The following MEMO1 variants were observed in gnomAD, a reference collection of about 807,000 sequenced individuals.
MEMO1 encodes protein MEMO1.
A neutral mutation model predicts 45.2 loss-of-function variants in MEMO1; 6 were observed. The observed-to-expected ratio is 0.13, with a 90% CI of 0.07 to 0.26. The LOEUF (loss-of-function observed/expected upper bound fraction) is 0.26. MEMO1 is among the 10% of genes least tolerant of loss of function. MEMO1 has a pLI of 1.00. For missense variants in MEMO1, 184 were observed against 370.5 expected (o/e 0.50, Z 4.13); for synonymous variants, 78 against 124.3 (o/e 0.63, Z 2.48).
intron 8 of MEMO1, among the ~76,000 whole-genome samples, chr2:31,870,725 A>G (rs1673586763): frequency 6.6e-6 from 1 of 151,938 alleles, no homozygotes; most frequent in Admixed American, 6.5e-5. Flanking sequence ...TACAGACAAC[A>G]CACCACCACA....
intron 2 of MEMO1, among the ~76,000 whole-genome samples, chr2:31,977,600 G>GCCT (rs1173504018): frequency 6.6e-6 from 1 of 152,076 alleles, no homozygotes; most frequent in Non-Finnish European, 1.5e-5. Context: ...CACAACCTCT[G>GCCT]CCTCCTAGGT....
intron 2 of MEMO1, among the ~76,000 whole-genome samples, chr2:31,969,574 GGTGTGTGTGTGGGTGTGT>G (rs1669076878): frequency 9.0e-6 from 1 of 110,706 alleles, no homozygotes; most frequent in African/African-American, 3.7e-5. Context: ...CTTTTCTGGG[GGTGTGTGTGTGGGTGTGT>G]GTGTGTGTGT....
chr2:31,969,736 A>C (rs1669156652), intron 2 of MEMO1, among the ~76,000 whole-genome samples: 1 of 149,558 alleles, frequency 6.7e-6, no homozygotes, highest in South Asian at 2.1e-4. Context: ...CAGCCTCCCA[A>C]GCACCTGGGA....
At chr2:31,982,363 G>A (rs1442742686) in intron 2 of MEMO1, among the ~76,000 whole-genome samples, 19 of 151,186 alleles carry the variant, frequency 1.3e-4, no homozygotes, top group African/African-American at 4.1e-4. Context: ...AGGCCGAGGC[G>A]GGCAGATCAC....
At chr2:31,893,831 A>C (rs544621948) in intron 6 of MEMO1, among the ~76,000 whole-genome samples, 1 of 152,304 alleles carries the variant, frequency 6.6e-6, no homozygotes, top group East Asian at 1.9e-4. Context: ...CCTTCAATTA[A>C]CCTCAGTTTG....
chr2:31,993,292 C>T (rs955341068), intron 2 of MEMO1, among the ~76,000 whole-genome samples: 7 of 152,356 alleles, frequency 4.6e-5, no homozygotes, highest in Non-Finnish European at 1.0e-4. Context: ...CAGGTCCAAA[C>T]AACCTACATC....
rs538391276 is a variant in MEMO1, at chr2:31,895,097, T to G, written c.438-2963A>C. Among the ~76,000 whole-genome samples the G allele has an allele frequency of 3.3e-5, 5 of 152,310 alleles. No homozygotes were observed. The South Asian group carries it at 1.0e-3, about 32-fold the overall frequency. Reference sequence around the variant, plus strand: ...ATAGTGGGAGAGACAGATTCTGCAGTTGAAGTTCATGAAAGTTCCTAATAA... The same window carrying G: ...ATAGTGGGAGAGACAGATTCTGCAGGTGAAGTTCATGAAAGTTCCTAATAA... On this transcript the variant is annotated intron_variant, in intron 6 of 9. Transcript: ENST00000404530.
chr2:31,996,061 CAT>C (rs1672558539), intron 2 of MEMO1, among the ~76,000 whole-genome samples: 1 of 152,152 alleles, frequency 6.6e-6, no homozygotes, highest in East Asian at 1.9e-4. Flanking sequence ...ATCAAGAAAA[CAT>C]ATATCCCAAT....
chr2:31,954,456 AT>A (rs939416118), intron 2 of MEMO1, among the ~76,000 whole-genome samples: 4 of 152,094 alleles, frequency 2.6e-5, no homozygotes, highest in African/African-American at 9.7e-5. Context: ...GTAAAAATTA[AT>A]TTTTTTAAAA....
Position 31,868,246 on chromosome 2 carries a change from T to C in MEMO1, c.*115A>G. On this transcript the variant is annotated 3_prime_UTR_variant, in exon 10 of 10. Transcript: ENST00000404530. ...AGAAAAAAAGAGAAGAAAGTTCTAT[T>C]AGTTTGAGGTTTCAGAATCCCCCCA... The C allele has an allele frequency of 3.9e-6, 4 of 1,017,860 alleles. No homozygotes were observed. Among genetic ancestry groups the C allele is most frequent in the Non-Finnish European group, 5.2e-6 (4 of 772,918 alleles). 63.1% of individuals were successfully genotyped at this position (1,017,860 alleles called of 1,614,324 possible). A position where few individuals can be genotyped will look rare whatever the true frequency, so the allele number is the denominator to read the frequency against.
chr2:31,997,784 T>C (rs967553368), intron 2 of MEMO1, among the ~76,000 whole-genome samples: 33 of 152,242 alleles, frequency 2.2e-4, no homozygotes, highest in Non-Finnish European at 4.4e-4. Flanking sequence ...GGTTATGTAA[T>C]TGGGGGAGGG....
chr2:31,961,608 TA>T (rs755885889), intron 2 of MEMO1, among the ~76,000 whole-genome samples: 1 of 142,496 alleles, frequency 7.0e-6, no homozygotes, highest in Non-Finnish European at 1.5e-5. Context: ...ATAAAAAATT[TA>T]AAAAAAAACA....
intron 2 of MEMO1, among the ~76,000 whole-genome samples, chr2:32,005,731 C>A (rs1673983511): frequency 6.6e-6 from 1 of 152,200 alleles, no homozygotes; most frequent in African/African-American, 2.4e-5. Context: ...ATACTTCCCA[C>A]TTGCTAATTA....
intron 7 of MEMO1, among the ~76,000 whole-genome samples, chr2:31,885,831 G>A (rs1200571045): frequency 6.6e-6 from 1 of 152,160 alleles, no homozygotes; most frequent in Non-Finnish European, 1.5e-5. Flanking sequence ...CATGATAGTC[G>A]TTTGCTACTC....
Position 31,933,377 on chromosome 2 carries a change from A to G in MEMO1, c.144-1242T>C, listed in dbSNP as rs1664530195. Among the ~76,000 whole-genome samples, 3 of 124,418 alleles carry G rather than the reference A, an allele frequency of 2.4e-5. No homozygotes were observed. The South Asian group carries it at 9.1e-4, about 38-fold the overall frequency. The allele number at this position is 124,418 out of a possible 152,430, so 81.6% of individuals were successfully genotyped here. On this transcript the variant is annotated intron_variant, in intron 3 of 9. Transcript: ENST00000404530. ...TATATATATATATATATATATATATATATATAGAAAGGGGAAGAGAGGGGA... is the reference window on the plus strand; with the variant it reads ...TATATATATATATATATATATATATGTATATAGAAAGGGGAAGAGAGGGGA...
rs529130732 is a variant in MEMO1 at position 31,928,370 on chromosome 2, T to C, written c.212+3697A>G. On this transcript the variant is annotated intron_variant, in intron 4 of 9. Coordinates refer to ENST00000404530, the MANE Select transcript of MEMO1 (RefSeq NM_001301833.4). ...CCAGCCTAGCCAACATGGTAAAACC[T>C]TGTCTCTACTAAAAATAAAAAAATT... Among the ~76,000 whole-genome samples, 6 of 152,084 alleles carry C rather than the reference T, an allele frequency of 3.9e-5. No homozygotes were observed. In the East Asian group the frequency reaches 1.2e-3, roughly 29 times the overall value.
At chr2:31,903,614 C>T (rs1192393548) in intron 6 of MEMO1, among the ~76,000 whole-genome samples, 6 of 152,200 alleles carry the variant, frequency 3.9e-5, no homozygotes, top group East Asian at 3.9e-4. Context: ...ATGTTCTATA[C>T]GTCTTAAAAA....
intron 8 of MEMO1, among the ~76,000 whole-genome samples, chr2:31,883,154 G>A (rs1039990758): frequency 2.0e-5 from 3 of 152,062 alleles, no homozygotes; most frequent in Admixed American, 1.3e-4. Context: ...TTTTAAATCC[G>A]TATATATTAT....
At chr2:31,933,343 AAAAAAATTTAT>A (rs1664461089) in intron 3 of MEMO1, among the ~76,000 whole-genome samples, 4 of 45,228 alleles carry the variant, frequency 8.8e-5, no homozygotes, top group African/African-American at 2.9e-4. Flanking sequence ...AAAAAAAAAA[AAAAAAATTTAT>A]ATATATATAT....
Sources: gnomAD v4.1 joint callset for allele counts (sites outside exome capture counted in the v4.1 genomes callset) on GRCh38, gnomAD v4.1.1 for gene constraint, MANE v1.5 for transcripts, NCBI Gene and HGNC (gene_info 2026-07-23, HGNC 2026-07-21) for gene names.